NOP14: variants seen among roughly 807,000 people sequenced by gnomAD.
NOP14 encodes NOP14 nucleolar protein, also known as nucleolar protein 14.
Under a neutral mutation model 101.6 loss-of-function variants are expected in NOP14, and 57 were observed. That is an observed-to-expected ratio of 0.56 (90% CI 0.45 to 0.70). The LOEUF is 0.70. NOP14 is among the 30% of genes least tolerant of loss of function. The pLI, the probability that NOP14 is intolerant of heterozygous loss-of-function variation, is 0.00. For synonymous variants in NOP14, 428 were observed against 424.0 expected (o/e 1.01, Z -0.12); for missense variants, 1,134 against 1,075.5 (o/e 1.05, Z -0.76).
intron 6 of NOP14, 96 bp from the exon 7 acceptor site, chr4:2,951,341 G>A (rs1486881290): frequency 3.0e-5 from 34 of 1,116,976 alleles, no homozygotes; most frequent in Non-Finnish European, 3.5e-5. Flanking sequence ...CTGGGCCTAC[G>A]GTCCTCCCAG....
rs538836822 is a variant in NOP14, at chr4:2,957,477, T to C, written c.330+129A>G. The C allele has an allele frequency of 5.5e-5, 59 of 1,082,250 alleles. No individual in the cohort carries two copies. In the South Asian group the frequency reaches 9.1e-4, roughly 17 times the overall value. 67.0% of individuals were successfully genotyped at this position (1,082,250 alleles called of 1,614,324 possible). A position where few individuals can be genotyped will look rare whatever the true frequency, so the allele number is the denominator to read the frequency against. The stretch of plus-strand genomic sequence containing the variant: ...TGGCCTAGCCAGATAAGGCACAGGA[T>C]TCGAGGGCTATCCCCTGGACCTTCC... On this transcript the variant is annotated intron_variant, in intron 2 of 17. Coordinates refer to ENST00000416614, the MANE Select transcript of NOP14 (RefSeq NM_001291978.2).
At chr4:2,943,824 G>A (rs1476617917) in intron 13 of NOP14, among the ~76,000 whole-genome samples, 1 of 152,226 alleles carries the variant, frequency 6.6e-6, no homozygotes, top group Non-Finnish European at 1.5e-5. Context: ...TATGTCACAG[G>A]TAGGGTACGT....
At chr4:2,939,441 T>C in intron 16 of NOP14, 86 bp downstream of exon 16, 2 of 1,596,800 alleles carry the variant, frequency 1.3e-6, no homozygotes, top group Non-Finnish European at 1.7e-6. Context: ...AGTCATCTGC[T>C]CAACTGCAGA....
intron 13 of NOP14, 119 bp downstream of exon 13, chr4:2,943,954 G>A (rs759864798): frequency 3.5e-5 from 27 of 765,406 alleles, no homozygotes; most frequent in Non-Finnish European, 5.3e-5. Flanking sequence ...TGCGGCGGGT[G>A]GCAGGTTGTG....
chr4:2,962,059 C>T (rs536364828), intron 1 of NOP14, among the ~76,000 whole-genome samples: 1 of 152,298 alleles, frequency 6.6e-6, no homozygotes, highest in East Asian at 1.9e-4. Context: ...GGACAACAGC[C>T]AGACTGTGCG....
chr4:2,939,764 A>G, intron 15 of NOP14, 119 bp from the exon 16 acceptor site: 1 of 801,792 alleles, frequency 1.2e-6, no homozygotes, highest in East Asian at 2.4e-5. Flanking sequence ...TCCCTGCAGC[A>G]GGATGGTGCC....
intron 11 of NOP14, among the ~76,000 whole-genome samples, chr4:2,945,471 C>CA (rs1714554774): frequency 6.6e-6 from 1 of 152,320 alleles, no homozygotes; most frequent in African/African-American, 2.4e-5. Flanking sequence ...TGGTTATAGA[C>CA]ACGGGCTCAG....
In NOP14 at chr4:2,963,191, G is replaced by A. The variant is rs1716271634; in HGVS notation, c.129C>T (p.Ile43=). The A allele has an allele frequency of 1.9e-6, 3 of 1,583,098 alleles. No individual in the cohort carries two copies. Among genetic ancestry groups the A allele is most frequent in the Non-Finnish European group, 2.6e-6 (3 of 1,167,116 alleles). Reference sequence around the variant, plus strand: ...CGTCGTGGCGCGTCTTCCGGCCCAGGATCTGGAACTTCTGCCTGTTAACTT... The same window carrying A: ...CGTCGTGGCGCGTCTTCCGGCCCAGAATCTGGAACTTCTGCCTGTTAACTT... ...EVKVNRQKFQ[I]LGRKTRHDVG... Residue 43 remains isoleucine, a synonymous_variant, in exon 1 of 18, where the codon ATC becomes ATT. Transcript: ENST00000416614.
intron 10 of NOP14, 192 bp downstream of exon 10, chr4:2,947,334 G>C: frequency 1.7e-6 from 1 of 594,108 alleles, no homozygotes; most frequent in Non-Finnish European, 3.0e-6. Flanking sequence ...ACAGTGGCTG[G>C]AGCGGCACGT....
Position 2,937,971 on chromosome 4 carries a change from A to G in NOP14, c.*860T>C, listed in dbSNP as rs1577808383. On this transcript the variant is annotated 3_prime_UTR_variant, in exon 18 of 18. Coordinates refer to ENST00000416614, the MANE Select transcript of NOP14 (RefSeq NM_001291978.2). ...AATTGAAAATATAATTTGCATAACA[A>G]CAGTAAATTCTACACATGAAGGCAA... 1 of 205,986 alleles carries G rather than the reference A, an allele frequency of 4.9e-6. No homozygotes were observed. The highest frequency in any genetic ancestry group is 1.7e-4 in the East Asian group (1 of 5,758). The allele number at this position is 205,986 out of a possible 1,614,324, so 12.8% of individuals were successfully genotyped here. A position where few individuals can be genotyped will look rare whatever the true frequency, so the allele number is the denominator to read the frequency against.
intron 9 of NOP14, 92 bp downstream of exon 9, chr4:2,948,186 C>T (rs971746640): frequency 1.4e-6 from 2 of 1,446,816 alleles, no homozygotes; most frequent in African/African-American, 1.5e-5. Flanking sequence ...CTGAGGCACA[C>T]ATGGCCGTTG....
intron 15 of NOP14, chr4:2,941,240 A>C: frequency 4.0e-6 from 1 of 250,748 alleles, no homozygotes; most frequent in Non-Finnish European, 7.8e-6. Context: ...TCCTTGGAAA[A>C]CCCATCGGGA....
rs1713881967 is a variant in NOP14 at position 2,938,738 on chromosome 4, G to A, written c.*93C>T. 8 of 1,030,314 alleles carry A rather than the reference G, an allele frequency of 7.8e-6. No homozygotes were observed. The highest frequency in any genetic ancestry group is 1.2e-5 in the Non-Finnish European group (8 of 679,312). 63.8% of individuals were successfully genotyped at this position (1,030,314 alleles called of 1,614,324 possible). A position where few individuals can be genotyped will look rare whatever the true frequency, so the allele number is the denominator to read the frequency against. On this transcript the variant is annotated 3_prime_UTR_variant, in exon 18 of 18. Transcript: ENST00000416614. Reference sequence around the variant, plus strand: ...GCCCAGGCTGGTCTCGAACTCCTGGGCTGAAGCAATCTTCCTGCCTTGGCC... The same window carrying A: ...GCCCAGGCTGGTCTCGAACTCCTGGACTGAAGCAATCTTCCTGCCTTGGCC...
At position 2,961,086 on chromosome 4, in the gene NOP14, TATAATAATATATTAATATTTTA is replaced by T. The variant is rs1413737961; in HGVS notation, c.195+2017_195+2038del. ...TATTATATTAATACTATATTAATAT[TATAATAATATATTAATATTTTA>T]ATAATATATTAATATTATAATAATA... is the stretch of plus-strand genomic sequence containing the variant. On this transcript the variant is annotated intron_variant, in intron 1 of 17. Coordinates refer to ENST00000416614, the MANE Select transcript of NOP14 (RefSeq NM_001291978.2). 6.0e-4 allele frequency among the ~76,000 whole-genome samples: 59 copies of T among 98,848 alleles called. 2 individuals carry two copies. The highest frequency in any genetic ancestry group is 2.4e-3 in the African/African-American group (44 of 18,528). The allele number at this position is 98,848 out of a possible 152,430, so 64.8% of individuals were successfully genotyped here. A position where few individuals can be genotyped will look rare whatever the true frequency, so the allele number is the denominator to read the frequency against.
At position 2,963,168 on chromosome 4, in the gene NOP14, T is replaced by A. The variant is rs762142752; in HGVS notation, c.152A>T (p.Asp51Val). 37 of 1,579,784 alleles carry A rather than the reference T, an allele frequency of 2.3e-5. No individual in the cohort carries two copies. The Admixed American group carries it at 6.3e-4, about 27-fold the overall frequency. The change falls in exon 1 of 18, where the codon GAC becomes GTC. Residue 51 changes from aspartate (D) to valine (V), a missense_variant. Transcript: ENST00000416614. ...GCGAGACACCCCGGGCAGTCCCACGTCGTGGCGCGTCTTCCGGCCCAGGAT... is the reference window on the plus strand; with the variant it reads ...GCGAGACACCCCGGGCAGTCCCACGACGTGGCGCGTCTTCCGGCCCAGGAT... ...FQILGRKTRH[D>V]VGLPGVSRAR... is the part of the protein sequence containing the mutation.
At chr4:2,943,209 G>A (rs1714354458) in intron 13 of NOP14, among the ~76,000 whole-genome samples, 1 of 152,252 alleles carries the variant, frequency 6.6e-6, no homozygotes, top group African/African-American at 2.4e-5. Context: ...AACCGGAAGA[G>A]TGGGCCAGAC....
chr4:2,956,571 T>C lies in NOP14; in HGVS notation c.472+99A>G. 3 of 1,179,074 alleles carry C rather than the reference T, an allele frequency of 2.5e-6. No individual in the cohort carries two copies. The South Asian group carries it at 5.5e-5, about 22-fold the overall frequency. The allele number at this position is 1,179,074 out of a possible 1,614,324, so 73.0% of individuals were successfully genotyped here. A position where few individuals can be genotyped will look rare whatever the true frequency, so the allele number is the denominator to read the frequency against. ...AATGATCAGTAAAACTTTCATGCAA[T>C]AACTTTCTCTAGTCTCTAAGAAGAG... On this transcript the variant is annotated intron_variant, in intron 3 of 17. Transcript: ENST00000416614.
At chr4:2,962,087 CAAGA>C (rs1286180771) in intron 1 of NOP14, among the ~76,000 whole-genome samples, 2 of 152,206 alleles carry the variant, frequency 1.3e-5, no homozygotes, top group Non-Finnish European at 2.9e-5. Context: ...AACGACAAGC[CAAGA>C]AGGTTAAGAA....
At chr4:2,939,393 T>C (rs1713957419) in intron 16 of NOP14, 50 bp from the exon 17 acceptor site, 2 of 1,612,048 alleles carry the variant, frequency 1.2e-6, no homozygotes, top group Non-Finnish European at 1.7e-6. Flanking sequence ...TCCCCACCTC[T>C]CAGCCAGAGC....
Sources: allele counts gnomAD v4.1 joint callset (sites outside exome capture counted in the v4.1 genomes callset), GRCh38; gene constraint gnomAD v4.1.1; transcripts MANE v1.5; gene names NCBI Gene and HGNC (gene_info 2026-07-23, HGNC 2026-07-21).